The following PDE4D variants were observed in gnomAD, a reference collection of about 807,000 sequenced individuals.
The protein encoded by PDE4D is 3',5'-cyclic-AMP phosphodiesterase 4D.
In PDE4D, 24 loss-of-function variants were observed where a neutral mutation model predicts 87.4. The observed-to-expected ratio is 0.27, with a 90% CI of 0.20 to 0.39. PDE4D has a LOEUF of 0.39. Ranked by LOEUF, PDE4D falls within the 10% of genes least tolerant of loss-of-function variation. The pLI, the probability that PDE4D is intolerant of heterozygous loss-of-function variation, is 1.00. For synonymous variants in PDE4D, 384 were observed against 383.2 expected (o/e 1.00, Z -0.02); for missense variants, 714 against 1,041.0 (o/e 0.69, Z 4.32).
intron 1 of PDE4D, among the ~76,000 whole-genome samples, chr5:60,295,748 G>A (rs187118347): frequency 6.6e-6 from 1 of 152,294 alleles, no homozygotes; most frequent in East Asian, 1.9e-4. Flanking sequence ...ACATCATCAG[G>A]CAGCTGCCTG....
rs1398425084 is a variant in PDE4D at position 59,180,597 on chromosome 5, G to T, written c.806C>A (p.Thr269Lys). ...NQPSINKATITEEAYQKLASE... is the reference protein window; with the variant it reads ...NQPSINKATIKEEAYQKLASE... ...AATAAGCTCCAGATCTTTCTTACCT[G>T]TTATGGTGGCTTTGTTGATGGATGG... is the stretch of plus-strand genomic sequence containing the variant. The change falls in exon 5 of 15, where the codon ACA becomes AAA. Residue 269 changes from threonine (T) to lysine (K), a missense_variant and splice_region_variant. By Grantham distance (78) the Thr-to-Lys change is moderately conservative (BLOSUM62 -1). Transcript: ENST00000340635. 6.2e-7 allele frequency: 1 copy of T among 1,612,846 alleles called. No individual in the cohort carries two copies. The highest frequency in any genetic ancestry group is 1.3e-5 in the African/African-American group (1 of 74,920).
chr5:59,313,472 G>A (rs546854739), intron 1 of PDE4D, among the ~76,000 whole-genome samples: 2 of 151,926 alleles, frequency 1.3e-5, no homozygotes, highest in Non-Finnish European at 2.9e-5. Flanking sequence ...AAAGCCAGCA[G>A]TCCTACCTCA....
chr5:59,918,153 G>T (rs796401335), intron 3 of PDE4D, among the ~76,000 whole-genome samples: 29 of 151,708 alleles, frequency 1.9e-4, no homozygotes, highest in African/African-American at 6.5e-4. Context: ...TTTCTGTTAT[G>T]GTTTGAAAGA....
intron 1 of PDE4D, among the ~76,000 whole-genome samples, chr5:59,746,296 C>T (rs973599081): frequency 4.6e-5 from 7 of 152,042 alleles, no homozygotes; most frequent in East Asian, 1.9e-4. Flanking sequence ...CATACACACA[C>T]GGCCAAGATG....
At chr5:59,772,934 G>A (rs1447190325) in intron 1 of PDE4D, among the ~76,000 whole-genome samples, 2 of 152,192 alleles carry the variant, frequency 1.3e-5, no homozygotes, top group African/African-American at 4.8e-5. Context: ...CAGTGGCTCA[G>A]TTCCAGATCT....
chr5:59,665,151 G>A (rs1561433689), intron 1 of PDE4D, among the ~76,000 whole-genome samples: 1 of 152,204 alleles, frequency 6.6e-6, no homozygotes, highest in Non-Finnish European at 1.5e-5. Flanking sequence ...GGTAGCAACA[G>A]TCAATTTGCC....
chr5:60,132,558 A>G (rs1779675123), intron 2 of PDE4D, among the ~76,000 whole-genome samples: 1 of 152,208 alleles, frequency 6.6e-6, no homozygotes, highest in Non-Finnish European at 1.5e-5. Flanking sequence ...GATTAAAGAA[A>G]ACCAGACAAT....
intron 1 of PDE4D, among the ~76,000 whole-genome samples, chr5:60,250,219 A>G (rs763630579): frequency 9.9e-5 from 15 of 151,970 alleles, no homozygotes; most frequent in Admixed American, 2.6e-4. Context: ...CTGTGCAGAT[A>G]ATATAACAAC....
chr5:60,170,948 T>C (rs1202359451), intron 2 of PDE4D, among the ~76,000 whole-genome samples: 1 of 152,024 alleles, frequency 6.6e-6, no homozygotes, highest in Non-Finnish European at 1.5e-5. Flanking sequence ...AATCTAACCA[T>C]TGAAATATTT....
intron 1 of PDE4D, among the ~76,000 whole-genome samples, chr5:59,669,787 A>G (rs747873759): frequency 4.6e-5 from 7 of 152,132 alleles, no homozygotes; most frequent in Non-Finnish European, 7.4e-5. Flanking sequence ...ACCCCCCCCA[A>G]TAGTCCAGAA....
chr5:60,179,721 A>G (rs1318555351), intron 2 of PDE4D, among the ~76,000 whole-genome samples: 1 of 152,170 alleles, frequency 6.6e-6, no homozygotes, highest in Non-Finnish European at 1.5e-5. Flanking sequence ...ATGTAAACAC[A>G]CTAATAATTT....
At chr5:59,485,566 T>C (rs947016718) in intron 1 of PDE4D, among the ~76,000 whole-genome samples, 3 of 151,796 alleles carry the variant, frequency 2.0e-5, no homozygotes, top group African/African-American at 7.2e-5. Flanking sequence ...AACTTAGCAG[T>C]TACATATTTT....
chr5:59,032,846 T>C (rs563594003), intron 6 of PDE4D, among the ~76,000 whole-genome samples: 4 of 152,306 alleles, frequency 2.6e-5, no homozygotes, highest in African/African-American at 9.6e-5. Flanking sequence ...TTTTCCCCTT[T>C]CATTATCGCC....
chr5:59,016,264 C>T (rs973818560), intron 6 of PDE4D, among the ~76,000 whole-genome samples: 2 of 149,954 alleles, frequency 1.3e-5, no homozygotes, highest in Non-Finnish European at 3.0e-5. Context: ...TACCCTAGAA[C>T]TTAAAGTGTA....
intron 1 of PDE4D, among the ~76,000 whole-genome samples, chr5:59,765,392 A>T (rs774037093): frequency 4.6e-5 from 7 of 152,244 alleles, no homozygotes; most frequent in Admixed American, 2.0e-4. Context: ...TGTTATTCTA[A>T]GAATTCAACC....
At chr5:59,913,568 TAAGTC>T (rs1753675802) in intron 3 of PDE4D, among the ~76,000 whole-genome samples, 1 of 152,158 alleles carries the variant, frequency 6.6e-6, no homozygotes, top group African/African-American at 2.4e-5. Flanking sequence ...TTGGTGGAAA[TAAGTC>T]AGGTAATTAA....
chr5:59,682,167 C>A (rs1369610419), intron 1 of PDE4D, among the ~76,000 whole-genome samples: 2 of 152,140 alleles, frequency 1.3e-5, no homozygotes, highest in Admixed American at 1.3e-4. Flanking sequence ...AGACAGGAAT[C>A]ACCAACGGAT....
chr5:59,801,334 A>G (rs1288550194), intron 1 of PDE4D, among the ~76,000 whole-genome samples: 2 of 152,204 alleles, frequency 1.3e-5, no homozygotes, highest in African/African-American at 4.8e-5. Flanking sequence ...TCTAAGATAC[A>G]AGGGCAGAAC....
intron 1 of PDE4D, among the ~76,000 whole-genome samples, chr5:60,374,910 C>T (rs543587257): frequency 6.6e-6 from 1 of 151,712 alleles, no homozygotes; most frequent in Non-Finnish European, 1.5e-5. Flanking sequence ...TTCTTTATAA[C>T]CTTTAGGGAA....
Sources: gnomAD v4.1 joint callset for allele counts (sites outside exome capture counted in the v4.1 genomes callset) on GRCh38, gnomAD v4.1.1 for gene constraint, MANE v1.5 for transcripts, NCBI Gene and HGNC (gene_info 2026-07-23, HGNC 2026-07-21) for gene names.